IMMP2L: variants seen among roughly 807,000 people sequenced by gnomAD.
The protein encoded by IMMP2L is mitochondrial inner membrane protease subunit 2.
In IMMP2L, 18 loss-of-function variants were observed where a neutral mutation model predicts 19.3. The ratio of observed to expected loss-of-function variants is 0.93; its 90% CI spans 0.64 to 1.38. The LOEUF (loss-of-function observed/expected upper bound fraction) is 1.38, where lower values mean the gene tolerates loss of function less well. IMMP2L is among the 40% of genes most tolerant of loss of function. IMMP2L has a pLI of 0.00. For missense variants in IMMP2L, 233 were observed against 218.2 expected (o/e 1.07, Z -0.43); for synonymous variants, 76 against 73.0 (o/e 1.04, Z -0.21).
chr7:111,560,889 G>A (rs1350837983), intron 1 of IMMP2L, among the ~76,000 whole-genome samples: 1 of 152,178 alleles, frequency 6.6e-6, no homozygotes, highest in Admixed American at 6.5e-5. Flanking sequence ...AAATAGGCAC[G>A]TTCAGGACAC....
In IMMP2L at chr7:110,881,618, AC is replaced by A. The variant is rs962016523; in HGVS notation, c.408+4974del. ...TGGATCCTGTCAACACTGTCTAATG[AC>A]CTTTTTTAAAATTTGAAATGGCTGA... On this transcript the variant is annotated intron_variant, in intron 5 of 5. Coordinates refer to ENST00000405709, the MANE Select transcript of IMMP2L (RefSeq NM_032549.4). Among the ~76,000 whole-genome samples the A allele has an allele frequency of 7.0e-4, 106 of 152,292 alleles. 1 individual carries two copies. Among genetic ancestry groups the A allele is most frequent in the African/African-American group, 2.5e-3 (104 of 41,564 alleles).
At chr7:111,053,955 A>G (rs1183190467) in intron 3 of IMMP2L, among the ~76,000 whole-genome samples, 1 of 152,180 alleles carries the variant, frequency 6.6e-6, no homozygotes, top group Non-Finnish European at 1.5e-5. Context: ...AAGGTAATAA[A>G]AAAACAATTC....
chr7:110,865,408 G>A (rs563524346), intron 5 of IMMP2L, among the ~76,000 whole-genome samples: 24 of 151,826 alleles, frequency 1.6e-4, no homozygotes, highest in African/African-American at 1.9e-4. Context: ...CCTTCATTTC[G>A]CTCTTACCAA....
At chr7:111,423,307 T>C (rs1276161863) in intron 3 of IMMP2L, among the ~76,000 whole-genome samples, 1 of 151,916 alleles carries the variant, frequency 6.6e-6, no homozygotes, top group East Asian at 1.9e-4. Flanking sequence ...CTAATCTTTG[T>C]ACCTCTGGTA....
At chr7:111,499,344 G>A (rs1182381807) in intron 2 of IMMP2L, among the ~76,000 whole-genome samples, 1 of 152,092 alleles carries the variant, frequency 6.6e-6, no homozygotes, top group Non-Finnish European at 1.5e-5. Context: ...CCAAAACTCT[G>A]CCCTCTAGCT....
At chr7:110,968,155 A>T (rs1819751443) in intron 3 of IMMP2L, among the ~76,000 whole-genome samples, 1 of 151,984 alleles carries the variant, frequency 6.6e-6, no homozygotes, top group African/African-American at 2.4e-5. Context: ...CAAGCTACAT[A>T]ACCTATCTGG....
chr7:111,152,349 A>G (rs529844780), intron 3 of IMMP2L, among the ~76,000 whole-genome samples: 6 of 152,224 alleles, frequency 3.9e-5, no homozygotes, highest in Non-Finnish European at 8.8e-5. Flanking sequence ...CCTCTTATGT[A>G]TAACTTTTCC....
chr7:110,881,796 C>G (rs1272821932), intron 5 of IMMP2L, among the ~76,000 whole-genome samples: 3 of 149,822 alleles, frequency 2.0e-5, no homozygotes, highest in Non-Finnish European at 2.9e-5. Context: ...CAGCTGAAAC[C>G]CATTAACCAC....
chr7:110,808,899 G>A (rs190679791), intron 5 of IMMP2L, among the ~76,000 whole-genome samples: 83 of 152,176 alleles, frequency 5.5e-4, no homozygotes, highest in African/African-American at 1.9e-3. Context: ...TGGGTGTCAT[G>A]ATTCATAATC....
intron 3 of IMMP2L, among the ~76,000 whole-genome samples, chr7:110,967,045 G>T (rs1819611234): frequency 6.6e-6 from 1 of 152,016 alleles, no homozygotes; most frequent in Non-Finnish European, 1.5e-5. Context: ...TCTGGGATGT[G>T]GATTTTAAAC....
At chr7:111,158,057 ATTT>A (rs1204293296) in intron 3 of IMMP2L, among the ~76,000 whole-genome samples, 6 of 151,968 alleles carry the variant, frequency 3.9e-5, no homozygotes, top group Non-Finnish European at 5.9e-5. Flanking sequence ...TTCTGTCAGA[ATTT>A]TTATTACAGT....
chr7:111,211,533 T>C (rs1811308774), intron 3 of IMMP2L, among the ~76,000 whole-genome samples: 1 of 152,194 alleles, frequency 6.6e-6, no homozygotes. Flanking sequence ...ACAAGGACCC[T>C]GAGAAAGATT....
At position 110,745,948 on chromosome 7, in the gene IMMP2L, C is replaced by T. The variant is rs1177315336; in HGVS notation, c.409-82227G>A. 3.9e-5 allele frequency among the ~76,000 whole-genome samples: 6 copies of T among 152,282 alleles called. No homozygotes were observed. The East Asian group carries it at 9.6e-4, about 24-fold the overall frequency. On this transcript the variant is annotated intron_variant, in intron 5 of 5. Coordinates refer to ENST00000405709, the MANE Select transcript of IMMP2L (RefSeq NM_032549.4). ...GGCTAAATGCTCCAATTAAAAGACA[C>T]AGACTGGCAAATTGGATGAAGAGTC... is the stretch of plus-strand genomic sequence containing the variant.
rs10545848 is a variant in IMMP2L, at chr7:110,802,331, ATGTG to A, written c.408+84258_408+84261del. ...ACAGTGTGTATGTGTGTATGTGTGT[ATGTG>A]TGTGTGTGTGTGTGTGTGTGTGTGT... On this transcript the variant is annotated intron_variant, in intron 5 of 5. Coordinates refer to ENST00000405709, the MANE Select transcript of IMMP2L (RefSeq NM_032549.4). 5.2e-3 allele frequency among the ~76,000 whole-genome samples: 768 copies of A among 147,072 alleles called. 9 individuals are homozygous for A. The highest frequency in any genetic ancestry group is 0.017 in the African/African-American group (669 of 39,884).
chr7:111,404,127 G>A (rs1243761585), intron 3 of IMMP2L, among the ~76,000 whole-genome samples: 3 of 152,038 alleles, frequency 2.0e-5, no homozygotes, highest in Admixed American at 2.0e-4. Flanking sequence ...AATGGCCACA[G>A]AAATTCATGC....
intron 3 of IMMP2L, among the ~76,000 whole-genome samples, chr7:111,463,015 G>A (rs1000981664): frequency 2.6e-5 from 4 of 152,004 alleles, no homozygotes; most frequent in South Asian, 4.1e-4. Context: ...TCACAGTTCC[G>A]GAGGCCAGAA....
intron 3 of IMMP2L, among the ~76,000 whole-genome samples, chr7:111,201,459 T>C (rs535278806): frequency 6.6e-6 from 1 of 152,082 alleles, no homozygotes; most frequent in South Asian, 2.1e-4. Context: ...CTCACACCTG[T>C]AGTCCCAACA....
chr7:110,994,431 A>G (rs1268008555), intron 3 of IMMP2L, among the ~76,000 whole-genome samples: 1 of 152,148 alleles, frequency 6.6e-6, no homozygotes, highest in Non-Finnish European at 1.5e-5. Context: ...AAGTATGACC[A>G]TATGATTATA....
intron 4 of IMMP2L, among the ~76,000 whole-genome samples, chr7:110,904,958 T>C (rs1350139934): frequency 6.6e-6 from 1 of 152,184 alleles, no homozygotes; most frequent in Non-Finnish European, 1.5e-5. Context: ...TAATAAATGC[T>C]TACAATTATA....
Sources: gnomAD v4.1 joint callset for allele counts (sites outside exome capture counted in the v4.1 genomes callset) on GRCh38, gnomAD v4.1.1 for gene constraint, MANE v1.5 for transcripts, NCBI Gene and HGNC (gene_info 2026-07-23, HGNC 2026-07-21) for gene names.